Variants in NOD1 observed in about 807,000 individuals in gnomAD.
NOD1 encodes the protein nucleotide-binding oligomerization domain-containing protein 1.
Under a neutral mutation model 81.2 loss-of-function variants are expected in NOD1, and 70 were observed. That is an observed-to-expected ratio of 0.86 (90% CI 0.71 to 1.05). NOD1 has a LOEUF of 1.05. Ranked by LOEUF, NOD1 falls within the 50% of genes least tolerant of loss-of-function variation. NOD1 has a pLI of 0.00. For missense variants in NOD1, 1,233 were observed against 1,228.0 expected, an observed-to-expected ratio of 1.00 and a Z score of -0.06; for synonymous variants, 508 against 526.9, an observed-to-expected ratio of 0.96 and a Z score of 0.49.
intron 7 of NOD1, chr7:30,447,298 T>C (rs976726934): frequency 5.5e-6 from 3 of 540,838 alleles, no homozygotes; most frequent in African/African-American, 3.8e-5. Context: ...CCATCTGTAA[T>C]ACAGAGGTAA....
Position 30,452,844 on chromosome 7 carries a change from G to A in NOD1, c.573C>T (p.Leu191=), listed in dbSNP as rs753672979. The A allele has an allele frequency of 1.2e-6, 2 of 1,614,130 alleles. No individual in the cohort carries two copies. The highest frequency in any genetic ancestry group is 1.7e-6 in the Non-Finnish European group (2 of 1,180,018). ...TGAAGATGGTCTCACCCTGCTCATT[G>A]AGGATGCCGGTGGTGTGGTCCAGGA... is the stretch of plus-strand genomic sequence containing the variant. The part of the protein sequence containing the change: ...ACLLDHTTGI[L]NEQGETIFIL... Residue 191 remains leucine (L), a synonymous_variant, in exon 6 of 14, where the codon CTC becomes CTT. Transcript: ENST00000222823.
Position 30,448,079 on chromosome 7 carries a change from C to T in NOD1, c.2285+219G>A, listed in dbSNP as rs1785296676. On this transcript the variant is annotated intron_variant, in intron 7 of 13. Transcript: ENST00000222823. ...CCAGTTGTAAGCCTACTTGCCTATA[C>T]TGGGATCCCAGTTTTACAGGTGAGG... is the stretch of plus-strand genomic sequence containing the variant. The T allele has an allele frequency of 1.1e-5, 6 of 563,082 alleles. No individual in the cohort carries two copies. The South Asian group carries it at 1.1e-4, about 11-fold the overall frequency. The allele number at this position is 563,082 out of a possible 1,614,324, so 34.9% of individuals were successfully genotyped here.
intron 10 of NOD1, among the ~76,000 whole-genome samples, chr7:30,436,402 A>G (rs1317731459): frequency 1.3e-5 from 2 of 152,300 alleles, no homozygotes; most frequent in Middle Eastern, 6.8e-3. Context: ...TGTCCTTCTA[A>G]AGGCTGGCCC....
chr7:30,475,549 G>A (rs922908313), intron 1 of NOD1, among the ~76,000 whole-genome samples: 19 of 152,166 alleles, frequency 1.2e-4, no homozygotes, highest in Non-Finnish European at 2.1e-4. Context: ...CTCTAAGGAC[G>A]TGCATCCCTC....
At chr7:30,463,152 T>C (rs1336039336) in intron 1 of NOD1, among the ~76,000 whole-genome samples, 1 of 152,088 alleles carries the variant, frequency 6.6e-6, no homozygotes, top group Non-Finnish European at 1.5e-5. Context: ...GTCACATATG[T>C]GTGTGTATGT....
chr7:30,452,449 A>G lies in NOD1; in HGVS notation c.968T>C (p.Leu323Pro). Reference protein sequence around the residue: ...LLANLLSGKLLKGASKLLTAR... With the variant: ...LLANLLSGKLPKGASKLLTAR... ...TGTGAGCAGCTTGCTAGCCCCCTTG[A>G]GCAGCTTCCCACTGAGCAGGTTGGC... is the stretch of plus-strand genomic sequence containing the variant. Residue 323 changes from leucine (L) to proline (P), a missense_variant, in exon 6 of 14, where the codon CTC (leucine) becomes CCC (proline). Transcript: ENST00000222823. The G allele has an allele frequency of 6.2e-7, 1 of 1,613,364 alleles. No individual in the cohort carries two copies. Among genetic ancestry groups the G allele is most frequent in the Non-Finnish European group, 8.5e-7 (1 of 1,179,976 alleles).
At chr7:30,450,742 T>C (rs1333948360) in intron 6 of NOD1, among the ~76,000 whole-genome samples, 1 of 152,236 alleles carries the variant, frequency 6.6e-6, no homozygotes. Flanking sequence ...AGGTTCTTTA[T>C]GCATTCTGGC....
chr7:30,461,847 T>C (rs1365878205), intron 1 of NOD1, among the ~76,000 whole-genome samples: 1 of 152,214 alleles, frequency 6.6e-6, no homozygotes, highest in Non-Finnish European at 1.5e-5. Flanking sequence ...CACGCCATTC[T>C]CCTGCCTCAG....
intron 7 of NOD1, chr7:30,447,592 G>T (rs916170921): frequency 4.3e-5 from 7 of 164,674 alleles, no homozygotes; most frequent in African/African-American, 1.7e-4. Flanking sequence ...AGCCGAGTGT[G>T]GCCCGGGGTC....
At chr7:30,427,735 G>C (rs1277059725) in intron 13 of NOD1, among the ~76,000 whole-genome samples, 2 of 152,214 alleles carry the variant, frequency 1.3e-5, no homozygotes, top group Non-Finnish European at 2.9e-5. Context: ...TAGGAATGGT[G>C]ACCCTCAAGA....
At position 30,452,320 on chromosome 7, in the gene NOD1, G is replaced by A; in HGVS notation, c.1097C>T (p.Pro366Leu). The A allele has an allele frequency of 6.2e-7, 1 of 1,613,432 alleles. No homozygotes were observed. The highest frequency in any genetic ancestry group is 8.5e-7 in the Non-Finnish European group (1 of 1,179,976). ...HLRAYARRMF[P>L]ERALQDRLLS... ...CAGGCGGTCCTGCAGGGCCCGCTCG[G>A]GGAACATCCTCCTGGCATAGGCGCG... The change falls in exon 6 of 14, where the codon CCC (proline) becomes CTC (leucine). Residue 366 changes from proline to leucine, a missense_variant. Pro to Leu is a moderately conservative substitution (Grantham distance 98). Transcript: ENST00000222823.
intron 13 of NOD1, among the ~76,000 whole-genome samples, chr7:30,429,104 T>C (rs1394837469): frequency 6.6e-6 from 1 of 152,074 alleles, no homozygotes; most frequent in Non-Finnish European, 1.5e-5. Flanking sequence ...CCAATGAAGG[T>C]AGATGAGGGC....
chr7:30,447,087 C>T (rs930179282), intron 7 of NOD1, 37 bp from the exon 8 acceptor site: 2 of 1,612,878 alleles, frequency 1.2e-6, no homozygotes, highest in East Asian at 2.2e-5. Flanking sequence ...CTTTCTGGCT[C>T]CTGATGTCAT....
intron 5 of NOD1, 151 bp downstream of exon 5, chr7:30,454,986 G>T: frequency 1.4e-6 from 1 of 734,334 alleles, no homozygotes; most frequent in Non-Finnish European, 2.2e-6. Flanking sequence ...GGCTGCACTT[G>T]GGAGACAGGA....
intron 1 of NOD1, among the ~76,000 whole-genome samples, chr7:30,475,167 T>C (rs1217812694): frequency 6.6e-6 from 1 of 152,242 alleles, no homozygotes; most frequent in South Asian, 2.1e-4. Flanking sequence ...TCTGCTATCA[T>C]GTAAGGCGTT....
intron 12 of NOD1, among the ~76,000 whole-genome samples, chr7:30,430,382 G>C (rs1450703374): frequency 6.6e-6 from 1 of 152,182 alleles, no homozygotes; most frequent in Non-Finnish European, 1.5e-5. Flanking sequence ...ACCCAACCAG[G>C]AAATAAATGC....
chr7:30,453,190 A>T, intron 5 of NOD1, 150 bp from the exon 6 acceptor site: 2 of 781,146 alleles, frequency 2.6e-6, no homozygotes, highest in Non-Finnish European at 4.0e-6. Context: ...CCTCAGATGC[A>T]GGACCTGGGG....
chr7:30,460,269 G>A (rs571890670), intron 1 of NOD1: 39 of 985,468 alleles, frequency 4.0e-5, no homozygotes, highest in East Asian at 1.1e-4. Context: ...AGATCAATTC[G>A]AAGTTCATGG....
At position 30,429,533 on chromosome 7, in the gene NOD1, G is replaced by C. The variant is rs1783764525; in HGVS notation, c.2706-76C>G. 4 of 1,293,658 alleles carry C rather than the reference G, an allele frequency of 3.1e-6. No homozygotes were observed. In the South Asian group the frequency reaches 4.8e-5, roughly 15 times the overall value. The allele number at this position is 1,293,658 out of a possible 1,614,324, so 80.1% of individuals were successfully genotyped here. A position where few individuals can be genotyped will look rare whatever the true frequency, so the allele number is the denominator to read the frequency against. On this transcript the variant is annotated intron_variant, in intron 12 of 13. Transcript: ENST00000222823. Reference sequence around the variant, plus strand: ...GACCCCTTCGTAAGGGAGTTGCAAGGGTGTTTTGGGATAAGAGACAAGTTG... The same window carrying C: ...GACCCCTTCGTAAGGGAGTTGCAAGCGTGTTTTGGGATAAGAGACAAGTTG...
Sources: allele counts gnomAD v4.1 joint callset (sites outside exome capture counted in the v4.1 genomes callset), GRCh38; gene constraint gnomAD v4.1.1; transcripts MANE v1.5; gene names NCBI Gene and HGNC (gene_info 2026-07-23, HGNC 2026-07-21).